The following DTNA variants were observed in gnomAD, a reference collection of about 807,000 sequenced individuals.
The protein encoded by DTNA is dystrobrevin alpha.
DTNA carries 43 observed loss-of-function variants against 100.7 expected under a neutral mutation model. The observed-to-expected ratio is 0.43, with a 90% confidence interval of 0.33 to 0.55. The LOEUF is 0.55. DTNA is among the 20% of genes least tolerant of loss of function. DTNA has a pLI of 0.04. For missense variants in DTNA, 798 were observed against 953.9 expected (o/e 0.84, Z 2.15); for synonymous variants, 349 against 347.9 (o/e 1.00, Z -0.04).
chr18:34,652,098 G>A (rs2060522675), intron 1 of DTNA, among the ~76,000 whole-genome samples: 1 of 145,472 alleles, frequency 6.9e-6, no homozygotes, highest in Non-Finnish European at 1.5e-5. Context: ...AAGGAAGGAA[G>A]GAAGGTAGGA....
chr18:34,543,982 A>G (rs2044508158), intron 1 of DTNA, among the ~76,000 whole-genome samples: 1 of 152,122 alleles, frequency 6.6e-6, no homozygotes, highest in South Asian at 2.1e-4. Flanking sequence ...TTCAAGAGGC[A>G]GTTGCAAAGA....
intron 1 of DTNA, among the ~76,000 whole-genome samples, chr18:34,521,513 A>G (rs1380798162): frequency 1.3e-5 from 2 of 152,168 alleles, no homozygotes; most frequent in Admixed American, 6.5e-5. Context: ...GTTAAAAATC[A>G]GTTCCCTTGC....
At chr18:34,820,159 T>C (rs2095677724) in intron 8 of DTNA, among the ~76,000 whole-genome samples, 1 of 152,082 alleles carries the variant, frequency 6.6e-6, no homozygotes, top group Non-Finnish European at 1.5e-5. Flanking sequence ...TTCTGAAGAC[T>C]CAGATTGAAG....
intron 1 of DTNA, among the ~76,000 whole-genome samples, chr18:34,640,251 T>C (rs1372394646): frequency 1.3e-5 from 2 of 152,216 alleles, no homozygotes; most frequent in East Asian, 1.9e-4. Flanking sequence ...TATGGGATGG[T>C]GTGACTGACT....
intron 1 of DTNA, among the ~76,000 whole-genome samples, chr18:34,553,313 C>T (rs762916910): frequency 4.0e-5 from 6 of 151,390 alleles, no homozygotes; most frequent in Admixed American, 1.3e-4. Context: ...CGAAAATTTT[C>T]TCCCATTTTG....
At chr18:34,552,967 T>C (rs1204593264) in intron 1 of DTNA, among the ~76,000 whole-genome samples, 2 of 149,596 alleles carry the variant, frequency 1.3e-5, no homozygotes, top group Non-Finnish European at 3.0e-5. Flanking sequence ...ACTTCCACAA[T>C]GGTTGAACTA....
intron 1 of DTNA, among the ~76,000 whole-genome samples, chr18:34,703,053 T>C (rs1186242552): frequency 1.3e-5 from 2 of 152,202 alleles, no homozygotes; most frequent in Non-Finnish European, 2.9e-5. Context: ...GATAAAATAG[T>C]CTTTATGTTC....
chr18:34,799,020 A>C (rs1390730303), intron 4 of DTNA, among the ~76,000 whole-genome samples: 1 of 152,206 alleles, frequency 6.6e-6, no homozygotes, highest in Non-Finnish European at 1.5e-5. Flanking sequence ...TGTTTTGCTT[A>C]TTACAGGATA....
At chr18:34,556,185 AT>A (rs1451805020) in intron 1 of DTNA, among the ~76,000 whole-genome samples, 2 of 151,304 alleles carry the variant, frequency 1.3e-5, no homozygotes, top group East Asian at 3.9e-4. Flanking sequence ...AGAGACTAGG[AT>A]TGCAACCCCT....
chr18:34,542,390 G>T (rs2044331347), intron 1 of DTNA, among the ~76,000 whole-genome samples: 2 of 151,922 alleles, frequency 1.3e-5, no homozygotes, highest in South Asian at 4.2e-4. Context: ...CATGGAATTT[G>T]GATCAATGTG....
intron 17 of DTNA, chr18:34,868,688 G>A (rs2096733728): frequency 1.0e-6 from 1 of 985,086 alleles, no homozygotes; most frequent in Non-Finnish European, 1.2e-6. Context: ...ATTGTTTCTT[G>A]TTAGAGGTAA....
chr18:34,650,481 T>C (rs926152699), intron 1 of DTNA, among the ~76,000 whole-genome samples: 1 of 152,198 alleles, frequency 6.6e-6, no homozygotes, highest in African/African-American at 2.4e-5. Flanking sequence ...CACAGTCTTT[T>C]TATAGTAATG....
intron 3 of DTNA, among the ~76,000 whole-genome samples, chr18:34,776,960 G>T (rs1282066156): frequency 2.0e-5 from 3 of 152,200 alleles, no homozygotes; most frequent in African/African-American, 7.2e-5. Context: ...TTCTCTTCCT[G>T]TAGCGAACTC....
Position 34,560,870 on chromosome 18 carries a change from C to T in DTNA, c.-2+67356C>T, listed in dbSNP as rs187469410. Among the ~76,000 whole-genome samples the T allele has an allele frequency of 9.9e-5, 15 of 152,150 alleles. No individual in the cohort carries two copies. The East Asian group carries it at 2.1e-3, about 22-fold the overall frequency. On this transcript the variant is annotated intron_variant, in intron 1 of 19. Transcript: ENST00000283365. ...CCAAGATATGGAGGTTGCAGTGAGC[C>T]GAGATCATGCCACTGCACTCCAGCC...
chr18:34,825,587 A>G (rs1024986721), intron 9 of DTNA, among the ~76,000 whole-genome samples: 3 of 152,186 alleles, frequency 2.0e-5, no homozygotes, highest in African/African-American at 7.2e-5. Flanking sequence ...AAGAAATAGG[A>G]ATTTCAGTCC....
intron 14 of DTNA, among the ~76,000 whole-genome samples, chr18:34,849,212 A>G (rs1026408688): frequency 6.6e-6 from 1 of 152,224 alleles, no homozygotes; most frequent in African/African-American, 2.4e-5. Flanking sequence ...AAGGGCCATA[A>G]GTAAGGAGCA....
At chr18:34,642,051 C>A (rs2059335234) in intron 1 of DTNA, among the ~76,000 whole-genome samples, 1 of 152,110 alleles carries the variant, frequency 6.6e-6, no homozygotes, top group Admixed American at 6.5e-5. Flanking sequence ...TTATAGCTGC[C>A]TTTCAATTAA....
intron 3 of DTNA, among the ~76,000 whole-genome samples, chr18:34,773,288 A>C (rs561156243): frequency 4.6e-4 from 70 of 152,372 alleles, no homozygotes; most frequent in African/African-American, 1.6e-3. Context: ...CCAGGAATCA[A>C]CCACACTGCT....
intron 2 of DTNA, among the ~76,000 whole-genome samples, chr18:34,758,791 G>A (rs1442228520): frequency 6.6e-6 from 1 of 152,168 alleles, no homozygotes; most frequent in Non-Finnish European, 1.5e-5. Context: ...CCTAGAGCAA[G>A]GAAGAAGTCT....
Sources: gnomAD v4.1 joint callset for allele counts (sites outside exome capture counted in the v4.1 genomes callset) on GRCh38, gnomAD v4.1.1 for gene constraint, MANE v1.5 for transcripts, NCBI Gene and HGNC (gene_info 2026-07-23, HGNC 2026-07-21) for gene names.